Variants in RTN1 observed in about 807,000 individuals in gnomAD.
RTN1 encodes reticulon 1.
A neutral mutation model predicts 65.5 loss-of-function variants in RTN1; 25 were observed. The observed-to-expected ratio is 0.38, with a 90% CI of 0.28 to 0.53. The LOEUF (loss-of-function observed/expected upper bound fraction) is 0.53, where lower values mean the gene tolerates loss of function less well. Among genes scored for constraint, RTN1 ranks in the 20% least tolerant of loss-of-function variants. RTN1 has a pLI of 0.79. For missense variants in RTN1, 983 were observed against 1,025.4 expected (o/e 0.96, Z 0.57); for synonymous variants, 471 against 447.6 (o/e 1.05, Z -0.66).
At position 59,810,422 on chromosome 14, in the gene RTN1, G is replaced by T. The variant is rs79221078; in HGVS notation, c.241+59968C>A. On this transcript the variant is annotated intron_variant, in intron 1 of 8. Coordinates refer to ENST00000267484, the MANE Select transcript of RTN1 (RefSeq NM_021136.3). The stretch of plus-strand genomic sequence containing the variant: ...CAAACATGAAGTACATATGCCTACT[G>T]TAGAAGTAATAGAGTTCTCTGTTTC... 3.0e-3 allele frequency among the ~76,000 whole-genome samples: 455 copies of T among 152,288 alleles called. 11 individuals are homozygous for T. The East Asian group carries it at 0.051, about 17-fold the overall frequency.
intron 3 of RTN1, among the ~76,000 whole-genome samples, chr14:59,706,265 T>C (rs1884292299): frequency 6.6e-6 from 1 of 152,212 alleles, no homozygotes; most frequent in African/African-American, 2.4e-5. Context: ...TGTCCCAGGC[T>C]ATTGTCTCTT....
intron 1 of RTN1, among the ~76,000 whole-genome samples, chr14:59,798,367 ATAACTG>A (rs1421954647): frequency 6.6e-6 from 1 of 152,222 alleles, no homozygotes; most frequent in African/African-American, 2.4e-5. Flanking sequence ...TATTGCTACT[ATAACTG>A]TAACAAATTA....
chr14:59,615,427 C>T (rs1882075401), intron 3 of RTN1, among the ~76,000 whole-genome samples: 1 of 152,004 alleles, frequency 6.6e-6, no homozygotes, highest in Admixed American at 6.6e-5. Context: ...CCAGCCTGGA[C>T]AACAAGAGTG....
At chr14:59,729,759 C>T (rs984031180) in intron 2 of RTN1, among the ~76,000 whole-genome samples, 1 of 152,216 alleles carries the variant, frequency 6.6e-6, no homozygotes, top group African/African-American at 2.4e-5. Flanking sequence ...GTGGTTTTCT[C>T]TCTGCCCGCT....
intron 3 of RTN1, among the ~76,000 whole-genome samples, chr14:59,675,118 T>G (rs1447910378): frequency 6.6e-6 from 1 of 151,888 alleles, no homozygotes; most frequent in Non-Finnish European, 1.5e-5. Flanking sequence ...GGCACCATGA[T>G]GGAGGAAGCT....
At chr14:59,633,258 C>A (rs1419302609) in intron 3 of RTN1, among the ~76,000 whole-genome samples, 2 of 152,212 alleles carry the variant, frequency 1.3e-5, no homozygotes, top group African/African-American at 4.8e-5. Flanking sequence ...CAGACAGATT[C>A]ACACTAGTGA....
At chr14:59,789,521 T>C (rs1886310477) in intron 1 of RTN1, among the ~76,000 whole-genome samples, 3 of 152,182 alleles carry the variant, frequency 2.0e-5, no homozygotes, top group Admixed American at 2.0e-4. Context: ...TGTAAACTTT[T>C]ATGCAAATGA....
chr14:59,639,203 C>T (rs1325772496), intron 3 of RTN1, among the ~76,000 whole-genome samples: 1 of 152,198 alleles, frequency 6.6e-6, no homozygotes. Context: ...TCTATAGGTG[C>T]AGTTTGTGGC....
chr14:59,870,588 C>T lies in RTN1; in HGVS notation c.43G>A (p.Ala15Thr). ...CTGAGCCACTGGGACCCGGGGCCGG[C>T]CAGCGGCAGCAGCTCGTCCTGCGGA... ...GDPQDELLPL[A>T]GPGSQWLRHR... Residue 15 changes from alanine to threonine, a missense_variant, in exon 1 of 9, where the codon GCC (alanine) becomes ACC (threonine). Ala to Thr is a moderately conservative substitution (Grantham distance 58). Around this residue, in one of 2 missense-constraint regions of RTN1, gnomAD observed 818 missense variants for 801.8 expected, o/e 1.02. Transcript: ENST00000267484. This position sits in a 1 kb window ranked among gnomAD's most constrained non-coding sequence, Gnocchi z 5.1. 2.1e-6 allele frequency: 3 copies of T among 1,446,064 alleles called. No homozygotes were observed. Among genetic ancestry groups the T allele is most frequent in the Non-Finnish European group, 1.8e-6 (2 of 1,104,166 alleles). 89.6% of individuals were successfully genotyped at this position (1,446,064 alleles called of 1,614,324 possible).
intron 1 of RTN1, among the ~76,000 whole-genome samples, chr14:59,869,178 G>A (rs1344132138): frequency 6.6e-6 from 1 of 151,756 alleles, no homozygotes; most frequent in Admixed American, 6.6e-5. Context: ...TCTGTACCAG[G>A]GCAGTTAATT....
At chr14:59,805,579 A>C (rs935837270) in intron 1 of RTN1, among the ~76,000 whole-genome samples, 1 of 152,194 alleles carries the variant, frequency 6.6e-6, no homozygotes, top group Non-Finnish European at 1.5e-5. Flanking sequence ...CAAATTAATA[A>C]TTACACACAT....
chr14:59,755,182 A>C (rs933003472), intron 1 of RTN1, among the ~76,000 whole-genome samples: 6 of 152,190 alleles, frequency 3.9e-5, no homozygotes, highest in Non-Finnish European at 8.8e-5. Flanking sequence ...GAAAGAAAAA[A>C]AACAACAAAT....
intron 2 of RTN1, among the ~76,000 whole-genome samples, chr14:59,741,443 T>C (rs1885115403): frequency 6.6e-6 from 1 of 152,232 alleles, no homozygotes; most frequent in Non-Finnish European, 1.5e-5. Context: ...TGGTTATTTG[T>C]GTGTATGTCT....
intron 3 of RTN1, among the ~76,000 whole-genome samples, chr14:59,633,097 C>T (rs559689855): frequency 3.9e-4 from 59 of 152,144 alleles, no homozygotes; most frequent in African/African-American, 1.3e-3. Context: ...AGTGAGACCC[C>T]GTCTAAAAGC....
At chr14:59,839,807 T>G (rs1007225370) in intron 1 of RTN1, among the ~76,000 whole-genome samples, 3 of 152,140 alleles carry the variant, frequency 2.0e-5, no homozygotes, top group Admixed American at 1.3e-4. Flanking sequence ...ATCTAATTCA[T>G]TTTAGACAAT....
At chr14:59,772,780 A>G (rs1594736533) in intron 1 of RTN1, among the ~76,000 whole-genome samples, 1 of 151,244 alleles carries the variant, frequency 6.6e-6, no homozygotes, top group East Asian at 1.9e-4. Context: ...CAACCCATTA[A>G]TAAAATCATG....
chr14:59,614,914 G>A (rs1165624805), intron 3 of RTN1, among the ~76,000 whole-genome samples: 1 of 152,172 alleles, frequency 6.6e-6, no homozygotes, highest in African/African-American at 2.4e-5. Flanking sequence ...TACATACAAG[G>A]TATGTAGGGA....
At chr14:59,778,862 G>T (rs1414028838) in intron 1 of RTN1, among the ~76,000 whole-genome samples, 3 of 152,152 alleles carry the variant, frequency 2.0e-5, no homozygotes, top group African/African-American at 7.2e-5. Flanking sequence ...CAGGTTATGA[G>T]GCTGGAGAGG....
intron 3 of RTN1, among the ~76,000 whole-genome samples, chr14:59,612,614 C>G (rs1372002059): frequency 6.6e-6 from 1 of 152,202 alleles, no homozygotes; most frequent in Non-Finnish European, 1.5e-5. Flanking sequence ...TTTACAACCC[C>G]TATAAGCCTG....
Sources: allele counts gnomAD v4.1 joint callset (sites outside exome capture counted in the v4.1 genomes callset), GRCh38; gene constraint gnomAD v4.1.1; regional missense constraint gnomAD v4.1.1; non-coding constraint Gnocchi (gnomAD v3.1); transcripts MANE v1.5; gene names NCBI Gene and HGNC (gene_info 2026-07-23, HGNC 2026-07-21).